Variants in DEGS2 observed in about 807,000 individuals in gnomAD.
DEGS2 encodes sphingolipid delta(4)-desaturase/C4-monooxygenase DES2.
A neutral mutation model predicts 23.8 loss-of-function variants in DEGS2; 19 were observed. The observed-to-expected ratio is 0.80, with a 90% CI of 0.56 to 1.17. The LOEUF (loss-of-function observed/expected upper bound fraction) is 1.17. Ranked by LOEUF, DEGS2 falls within the 50% of genes most tolerant of loss-of-function variation. DEGS2 has a pLI of 0.00. For synonymous variants in DEGS2, 218 were observed against 213.7 expected (o/e 1.02, Z -0.18); for missense variants, 390 against 459.5 (o/e 0.85, Z 1.38).
Position 100,148,973 on chromosome 14 carries a change from G to T in DEGS2, c.820C>A (p.Pro274Thr). ...CTGCCAGCCCAGCCACATACCAGCG[G>T]CAGGTTGTAGCCCGGGATGCTGGGG... Reference protein sequence around the residue: ...DFPSIPGYNLPLVRKIAPEYY... With the variant: ...DFPSIPGYNLTLVRKIAPEYY... The change falls in exon 2 of 3, where the codon CCG becomes ACG. Residue 274 changes from proline to threonine, a missense_variant. Pro to Thr is a conservative substitution (Grantham distance 38). Transcript: ENST00000305631. 6.2e-7 allele frequency: 1 copy of T among 1,611,402 alleles called. No homozygotes were observed. Among genetic ancestry groups the T allele is most frequent in the Non-Finnish European group, 8.5e-7 (1 of 1,178,934 alleles).
In DEGS2 at chr14:100,144,342, A is replaced by G. The variant is rs1395263410; in HGVS notation, c.*2419T>C. 6.6e-6 allele frequency: 1 copy of G among 152,606 alleles called. No homozygotes were observed. Among genetic ancestry groups the G allele is most frequent in the South Asian group, 2.1e-4 (1 of 4,840 alleles). 9.5% of individuals were successfully genotyped at this position (152,606 alleles called of 1,614,324 possible). A position where few individuals can be genotyped will look rare whatever the true frequency, so the allele number is the denominator to read the frequency against. On this transcript the variant is annotated 3_prime_UTR_variant, in exon 3 of 3. Transcript: ENST00000305631. ...GGTGACCAGGAGTCGTAGGAGCAAG[A>G]TGGCGGTCTTCGACAGGAAGCTGGG...
chr14:100,151,303 G>A (rs189649893), intron 1 of DEGS2, among the ~76,000 whole-genome samples: 2 of 152,374 alleles, frequency 1.3e-5, no homozygotes, highest in African/African-American at 2.4e-5. Flanking sequence ...GTCTTGGGGC[G>A]ATGGCCTGGC....
intron 2 of DEGS2, among the ~76,000 whole-genome samples, chr14:100,147,211 A>G (rs1427137268): frequency 1.3e-5 from 2 of 152,162 alleles, no homozygotes; most frequent in Non-Finnish European, 2.9e-5. Context: ...GGTGGCCTGA[A>G]CTGCGCCCAG....
chr14:100,152,288 G>A (rs541601119), intron 1 of DEGS2, among the ~76,000 whole-genome samples: 1 of 152,222 alleles, frequency 6.6e-6, no homozygotes, highest in South Asian at 2.1e-4. Context: ...GGAGATGCCA[G>A]GGTGGGCGTC....
upstream of DEGS2, among the ~76,000 whole-genome samples, chr14:100,163,902 GT>G (rs1407712149): frequency 6.6e-6 from 1 of 151,508 alleles, no homozygotes; most frequent in Admixed American, 6.6e-5. Context: ...TTCTTTTGGG[GT>G]TTTTTTTGCA....
chr14:100,161,608 T>G (rs1165799733), upstream of DEGS2, among the ~76,000 whole-genome samples: 1 of 152,154 alleles, frequency 6.6e-6, no homozygotes, highest in Admixed American at 6.5e-5. Context: ...AAGGAAAGCC[T>G]AGTAAAGCTG....
At chr14:100,153,297 A>AGATG (rs200979150) in intron 1 of DEGS2, among the ~76,000 whole-genome samples, 5 of 147,128 alleles carry the variant, frequency 3.4e-5, no homozygotes, top group Non-Finnish European at 7.5e-5. Flanking sequence ...ATAGATAGAT[A>AGATG]GATAGATAAT....
rs149770227 is a variant in DEGS2, at chr14:100,144,109, C to T, written c.*2652G>A. 6.6e-5 allele frequency: 21 copies of T among 319,464 alleles called. No individual in the cohort carries two copies. The highest frequency in any genetic ancestry group is 1.0e-4 in the Non-Finnish European group (17 of 169,782). The allele number at this position is 319,464 out of a possible 1,614,324, so 19.8% of individuals were successfully genotyped here. The stretch of plus-strand genomic sequence containing the variant: ...CAGCTGGCGGTGACAGCCGGCCCAG[C>T]GTGGCGCCACCACACACCGCAGAGC... On this transcript the variant is annotated 3_prime_UTR_variant, in exon 3 of 3. Coordinates refer to ENST00000305631, the MANE Select transcript of DEGS2 (RefSeq NM_206918.3).
chr14:100,148,770 T>C (rs926022923), intron 2 of DEGS2, among the ~76,000 whole-genome samples, 198 bp downstream of exon 2: 16 of 152,254 alleles, frequency 1.1e-4, no homozygotes, highest in African/African-American at 3.9e-4. Flanking sequence ...CTGAATTTGC[T>C]TCAGCCTCCA....
At chr14:100,161,822 C>A (rs1212659057), upstream of DEGS2, among the ~76,000 whole-genome samples, 2 of 152,168 alleles carry the variant, frequency 1.3e-5, no homozygotes, top group Non-Finnish European at 2.9e-5. Flanking sequence ...GTAATCCCAG[C>A]ACTTTGGGAG....
upstream of DEGS2, among the ~76,000 whole-genome samples, chr14:100,163,741 G>A (rs1162669584): frequency 1.3e-5 from 2 of 152,130 alleles, no homozygotes; most frequent in Non-Finnish European, 2.9e-5. Context: ...ACTTTTTAAA[G>A]ATAGGATCTC....
chr14:100,156,854 G>A (rs1189368728), intron 1 of DEGS2, among the ~76,000 whole-genome samples: 1 of 152,232 alleles, frequency 6.6e-6, no homozygotes, highest in Non-Finnish European at 1.5e-5. Context: ...CGGGGAGGGA[G>A]GGAATGGCAC....
At chr14:100,163,624 AT>A (rs1889774671), upstream of DEGS2, among the ~76,000 whole-genome samples, 1 of 152,172 alleles carries the variant, frequency 6.6e-6, no homozygotes. Context: ...CATAGAAGTC[AT>A]CCCACTGAAA....
At chr14:100,159,646 G>T (rs892594444), upstream of DEGS2, 1 of 1,224,898 alleles carries the variant, frequency 8.2e-7, no homozygotes, top group Non-Finnish European at 1.1e-6. Context: ...CACCTGTCGC[G>T]GCGGCCGCGG....
upstream of DEGS2, among the ~76,000 whole-genome samples, chr14:100,161,662 C>T (rs1195735864): frequency 1.3e-5 from 2 of 152,168 alleles, no homozygotes; most frequent in Non-Finnish European, 2.9e-5. Context: ...CCATCAAAGG[C>T]AACAAATGCA....
chr14:100,146,840 C>A lies in DEGS2; in HGVS notation c.893G>T (p.Trp298Leu), dbSNP rs752197239. The A allele has an allele frequency of 3.1e-6, 5 of 1,613,842 alleles. No homozygotes were observed. In the East Asian group the frequency reaches 1.1e-4, roughly 36 times the overall value. The change falls in exon 3 of 3, where the codon TGG (tryptophan) becomes TTG (leucine). Residue 298 changes from tryptophan to leucine, a missense_variant. Coordinates refer to ENST00000305631, the MANE Select transcript of DEGS2 (RefSeq NM_206918.3). The stretch of plus-strand genomic sequence containing the variant: ...CAGGGAGTCCTCAAACACAAAATCC[C>A]AGAGCACCTTCACCCAGGAGTGGTG... Reference protein sequence around the residue: ...PQHHSWVKVLWDFVFEDSLGP... With the variant: ...PQHHSWVKVLLDFVFEDSLGP...
At position 100,146,885 on chromosome 14, in the gene DEGS2, TACTCGGGCGCG is replaced by T; in HGVS notation, c.837_847del (p.Ala280LeufsTer20). ...GTGGTGCTGCGGCAGGTGGTCGTAG[TACTCGGGCGCG>T]ATCTTCCGCACCTGTAGAGAGGAGG... On this transcript the variant is annotated frameshift_variant, in exon 3 of 3. Coordinates refer to ENST00000305631, the MANE Select transcript of DEGS2 (RefSeq NM_206918.3). LOFTEE classifies it low-confidence loss of function (END_TRUNC). The T allele has an allele frequency of 1.2e-6, 2 of 1,613,332 alleles. No homozygotes were observed. The highest frequency in any genetic ancestry group is 1.1e-5 in the South Asian group (1 of 91,074).
the DEGS2 span, among the ~76,000 whole-genome samples, chr14:100,165,926 G>A: frequency 7.7e-6 from 1 of 130,004 alleles, no homozygotes; most frequent in African/African-American, 3.0e-5. Context: ...GGTGGGGGGA[G>A]CCTGCCCGGA....
chr14:100,164,003 C>T (rs1175878615), upstream of DEGS2, among the ~76,000 whole-genome samples: 1 of 152,140 alleles, frequency 6.6e-6, no homozygotes, highest in African/African-American at 2.4e-5. Context: ...TTAACTTAAG[C>T]CCCGGAGTTT....
Sources: gnomAD v4.1 joint callset for allele counts (sites outside exome capture counted in the v4.1 genomes callset) on GRCh38, gnomAD v4.1.1 for gene constraint, MANE v1.5 for transcripts, NCBI Gene and HGNC (gene_info 2026-07-23, HGNC 2026-07-21) for gene names.